The following GPR21 variants were observed in gnomAD, a reference collection of about 807,000 sequenced individuals.
The protein encoded by GPR21 is probable G protein-coupled receptor 21.
Under a neutral mutation model 21.5 loss-of-function variants are expected in GPR21, and 9 were observed. The observed-to-expected ratio is 0.42, with a 90% CI of 0.25 to 0.73. The LOEUF is 0.73. GPR21 is among the 30% of genes least tolerant of loss of function. The pLI, the probability that GPR21 is intolerant of heterozygous loss-of-function variation, is 0.27. For missense variants in GPR21, 416 were observed against 428.9 expected, an observed-to-expected ratio of 0.97 and a Z score of 0.27; for synonymous variants, 169 against 159.3, an observed-to-expected ratio of 1.06 and a Z score of -0.46.
downstream of GPR21, among the ~76,000 whole-genome samples, chr9:123,036,716 A>G (rs1267820329): frequency 6.6e-6 from 1 of 152,192 alleles, no homozygotes; most frequent in Non-Finnish European, 1.5e-5. Context: ...AGTTAGTGCT[A>G]AGGAATCCAC....
At chr9:123,035,639 CGTGTGTGTGTGTGTGTGTGTGTGTGTGT>C (rs5900552) in exon 2 of GPR21, 9 of 733,274 alleles carry the variant, frequency 1.2e-5, no homozygotes, top group African/African-American at 3.5e-5. Flanking sequence ...ACGGGGTTCC[CGTGTGTGTGTGTGTGTGTGTGTGTGTGT>C]GTGTGTGTGT....
At chr9:123,040,876 T>C in the GPR21 span, among the ~76,000 whole-genome samples, 1 of 152,136 alleles carries the variant, frequency 6.6e-6, no homozygotes, top group Non-Finnish European at 1.5e-5. Flanking sequence ...GAAAGGACCT[T>C]AGGAATCATT....
chr9:123,039,008 G>T (rs966140810), downstream of GPR21, among the ~76,000 whole-genome samples: 2 of 152,144 alleles, frequency 1.3e-5, no homozygotes, highest in African/African-American at 4.8e-5. Context: ...ATACCTCATA[G>T]GGTTAGTTTG....
the GPR21 span, among the ~76,000 whole-genome samples, chr9:123,044,144 C>A: frequency 6.6e-6 from 1 of 152,014 alleles, no homozygotes; most frequent in Non-Finnish European, 1.5e-5. Context: ...ACCTCGTGAT[C>A]CGCCCATCTC....
chr9:123,048,421 A>G, the GPR21 span, among the ~76,000 whole-genome samples: 2 of 152,236 alleles, frequency 1.3e-5, no homozygotes, highest in African/African-American at 2.4e-5. Context: ...CTTGAGCAAT[A>G]TGAGACTTGG....
the GPR21 span, among the ~76,000 whole-genome samples, chr9:123,043,428 G>C: frequency 6.6e-6 from 1 of 152,084 alleles, no homozygotes; most frequent in African/African-American, 2.4e-5. Flanking sequence ...GAGATTTTTA[G>C]GGGAAGAATT....
Position 123,035,151 on chromosome 9 carries a change from C to T in GPR21, c.585C>T (p.Ile195=), listed in dbSNP as rs147108736. The change falls in exon 2 of 2, where the codon ATC becomes ATT. Residue 195 remains isoleucine (I), a synonymous_variant. Coordinates refer to ENST00000616002, the MANE Select transcript of GPR21 (RefSeq NM_005294.3). Reference sequence around the variant, plus strand: ...CCGACTCCTACTTCACCCTGTTCATCGTGATGATGTTATATGCCCCAGCAG... The same window carrying T: ...CCGACTCCTACTTCACCCTGTTCATTGTGATGATGTTATATGCCCCAGCAG... The part of the protein sequence containing the change: ...WHTDSYFTLF[I]VMMLYAPAAL... 3.7e-6 allele frequency: 6 copies of T among 1,613,860 alleles called. No individual in the cohort carries two copies. The highest frequency in any genetic ancestry group is 4.2e-6 in the Non-Finnish European group (5 of 1,179,772).
chr9:123,041,572 T>C, the GPR21 span, among the ~76,000 whole-genome samples: 2 of 152,192 alleles, frequency 1.3e-5, no homozygotes, highest in African/African-American at 4.8e-5. Context: ...TGCATATTTC[T>C]GTTAACTCCA....
chr9:123,043,996 G>T, the GPR21 span, among the ~76,000 whole-genome samples: 1 of 151,560 alleles, frequency 6.6e-6, no homozygotes, highest in Non-Finnish European at 1.5e-5. Flanking sequence ...CGCCTCCCGG[G>T]TTCAGGCCAT....
At position 123,034,669 on chromosome 9, in the gene GPR21, A is replaced by T. The variant is rs951696794; in HGVS notation, c.103A>T (p.Ile35Phe). Residue 35 changes from isoleucine to phenylalanine, a missense_variant, in exon 2 of 2, where the codon ATT (isoleucine) becomes TTT (phenylalanine). Ile to Phe is a conservative substitution (Grantham distance 21, BLOSUM62 0). Transcript: ENST00000616002. ...VNFCLLEVLI[I>F]VFLTVLIISG... ...TTTTTGCCTTTTGGAAGTATTGATT[A>T]TTGTCTTTCTAACTGTATTGATTAT... 7 of 1,612,814 alleles carry T rather than the reference A, an allele frequency of 4.3e-6. No individual in the cohort carries two copies. In the African/African-American group the frequency reaches 9.3e-5, roughly 22 times the overall value.
chr9:123,045,632 G>A, the GPR21 span, among the ~76,000 whole-genome samples: 1 of 152,280 alleles, frequency 6.6e-6, no homozygotes, highest in East Asian at 1.9e-4. Flanking sequence ...GAATGAAGAT[G>A]ACAGCAGTAT....
the GPR21 span, among the ~76,000 whole-genome samples, chr9:123,044,427 T>C: frequency 6.6e-6 from 1 of 152,238 alleles, no homozygotes; most frequent in African/African-American, 2.4e-5. Flanking sequence ...ATATTGTCCC[T>C]CTTTTCCAAT....
chr9:123,036,035 A>G (rs2032639250), downstream of GPR21, among the ~76,000 whole-genome samples: 1 of 152,202 alleles, frequency 6.6e-6, no homozygotes, highest in African/African-American at 2.4e-5. Flanking sequence ...TGGGCTTCAT[A>G]TGCAATTGAT....
rs1179432337 is a variant in GPR21, at chr9:123,035,606, G to A, written c.1040G>A (p.Cys347Tyr). 7.0e-6 allele frequency: 11 copies of A among 1,581,638 alleles called. No homozygotes were observed. The highest frequency in any genetic ancestry group is 9.4e-6 in the Non-Finnish European group (11 of 1,167,298). ...TVRSKGPLNG[C>Y]HI is the part of the protein sequence containing the mutation. ...AGAAGCAAAGGCCCTCTTAATGGAT[G>A]TCATATCTGAAGTGGCTCAGTTACG... Residue 347 changes from cysteine (C) to tyrosine (Y), a missense_variant, in exon 2 of 2, where the codon TGT becomes TAT. By Grantham distance (194) the Cys-to-Tyr change is radical. Coordinates refer to ENST00000616002, the MANE Select transcript of GPR21 (RefSeq NM_005294.3).
At chr9:123,043,092 A>G in the GPR21 span, among the ~76,000 whole-genome samples, 94,929 of 152,070 alleles carry the variant, frequency 0.62, 36,799 homozygotes, top group Non-Finnish European at 0.86. Flanking sequence ...GTGTGAGGGT[A>G]AACTAAACTC....
At chr9:123,035,855 T>C (rs1247995771), downstream of GPR21, among the ~76,000 whole-genome samples, 1 of 152,202 alleles carries the variant, frequency 6.6e-6, no homozygotes, top group Non-Finnish European at 1.5e-5. Flanking sequence ...TTGCTCTTGC[T>C]CTCAATTTTT....
At position 123,035,594 on chromosome 9, in the gene GPR21, C is replaced by G. The variant is rs753289961; in HGVS notation, c.1028C>G (p.Pro343Arg). ...NDPYTVRSKG[P>R]LNGCHI ...CCTTACACAGTTAGAAGCAAAGGCC[C>G]TCTTAATGGATGTCATATCTGAAGT... The change falls in exon 2 of 2, where the codon CCT (proline) becomes CGT (arginine). Residue 343 changes from proline (P) to arginine (R), a missense_variant. Coordinates refer to ENST00000616002, the MANE Select transcript of GPR21 (RefSeq NM_005294.3). 2 of 1,594,544 alleles carry G rather than the reference C, an allele frequency of 1.3e-6. No individual in the cohort carries two copies. The highest frequency in any genetic ancestry group is 2.2e-5 in the East Asian group (1 of 44,788).
chr9:123,035,787 G>T (rs925577626), downstream of GPR21: 49 of 510,470 alleles, frequency 9.6e-5, no homozygotes, highest in Middle Eastern at 4.9e-4. Context: ...TTCTAAGTTT[G>T]TAGAAATGGT....
At chr9:123,036,317 G>A (rs1000024059), downstream of GPR21, among the ~76,000 whole-genome samples, 4 of 152,210 alleles carry the variant, frequency 2.6e-5, no homozygotes, top group African/African-American at 9.7e-5. Context: ...ATGCTTCACA[G>A]AGATCTAAAG....
Sources: allele counts gnomAD v4.1 joint callset (sites outside exome capture counted in the v4.1 genomes callset), GRCh38; gene constraint gnomAD v4.1.1; transcripts MANE v1.5; gene names NCBI Gene and HGNC (gene_info 2026-07-23, HGNC 2026-07-21).